Variants in METTL15 observed in about 807,000 individuals in gnomAD.
METTL15 encodes the protein methyltransferase 15, mitochondrial 12S rRNA N4-cytidine.
Under a neutral mutation model 38.3 loss-of-function variants are expected in METTL15, and 34 were observed. The ratio of observed to expected loss-of-function variants is 0.89; its 90% CI spans 0.68 to 1.18. The LOEUF is 1.18. Among genes scored for constraint, METTL15 ranks in the 50% most tolerant of loss-of-function variants. The pLI, the probability that METTL15 is intolerant of heterozygous loss-of-function variation, is 0.00. For missense variants in METTL15, 438 were observed against 498.4 expected (o/e 0.88, Z 1.15); for synonymous variants, 162 against 170.9 (o/e 0.95, Z 0.41).
chr11:28,306,229 C>G (rs1186479343), intron 6 of METTL15, among the ~76,000 whole-genome samples: 3 of 152,068 alleles, frequency 2.0e-5, no homozygotes, highest in Non-Finnish European at 4.4e-5. Context: ...TTATTTTATA[C>G]TTTTAGTACT....
chr11:28,255,962 C>T (rs543521703), intron 4 of METTL15, among the ~76,000 whole-genome samples: 1 of 152,314 alleles, frequency 6.6e-6, no homozygotes, highest in South Asian at 2.1e-4. Context: ...CTCGGACTCC[C>T]AAAGTGCTGG....
intron 6 of METTL15, among the ~76,000 whole-genome samples, chr11:28,462,251 A>G (rs1044251091): frequency 5.3e-5 from 8 of 152,068 alleles, no homozygotes; most frequent in Non-Finnish European, 1.0e-4. Flanking sequence ...GTGTTATGGG[A>G]ATAAGGAAGA....
At chr11:28,251,811 C>G (rs951649152) in intron 4 of METTL15, among the ~76,000 whole-genome samples, 3 of 152,016 alleles carry the variant, frequency 2.0e-5, no homozygotes, top group Non-Finnish European at 4.4e-5. Flanking sequence ...ATTCTTCAGC[C>G]CATGGGGACC....
chr11:28,174,732 A>G (rs1850989002), intron 3 of METTL15, among the ~76,000 whole-genome samples: 1 of 150,596 alleles, frequency 6.6e-6, no homozygotes, highest in Non-Finnish European at 1.5e-5. Context: ...GGAGAATGGT[A>G]TGAAGCCGGG....
At chr11:28,421,943 T>G (rs895326394) in intron 5 of METTL15, among the ~76,000 whole-genome samples, 1 of 151,864 alleles carries the variant, frequency 6.6e-6, no homozygotes, top group African/African-American at 2.4e-5. Flanking sequence ...GAATACCGTA[T>G]AGACCCAACC....
chr11:28,455,015 G>T (rs1477579761), intron 6 of METTL15, among the ~76,000 whole-genome samples: 1 of 151,890 alleles, frequency 6.6e-6, no homozygotes, highest in Admixed American at 6.6e-5. Context: ...CAGAAGAGGT[G>T]GTATTTGTTC....
intron 5 of METTL15, among the ~76,000 whole-genome samples, chr11:28,403,955 A>G (rs536274388): frequency 2.0e-5 from 3 of 152,068 alleles, no homozygotes; most frequent in East Asian, 3.9e-4. Context: ...TTCTGCTGTT[A>G]TACATTCTGA....
At chr11:28,316,928 C>G (rs547381840) in intron 6 of METTL15, among the ~76,000 whole-genome samples, 4 of 152,282 alleles carry the variant, frequency 2.6e-5, no homozygotes, top group African/African-American at 9.6e-5. Context: ...AAACCTTTTG[C>G]TTTTGTAAAT....
the METTL15 span, among the ~76,000 whole-genome samples, chr11:28,532,392 G>T: frequency 1.2e-4 from 19 of 152,190 alleles, no homozygotes; most frequent in East Asian, 3.7e-3. Context: ...CTATTTGTGT[G>T]TGTATGCATG....
intron 6 of METTL15, among the ~76,000 whole-genome samples, chr11:28,507,635 A>G (rs1851639738): frequency 6.6e-6 from 1 of 152,098 alleles, no homozygotes; most frequent in Non-Finnish European, 1.5e-5. Context: ...TTTTCAAAAA[A>G]TCTCCCCTAC....
intron 3 of METTL15, among the ~76,000 whole-genome samples, chr11:28,121,122 C>T (rs1301497078): frequency 1.3e-5 from 2 of 152,056 alleles, no homozygotes; most frequent in Non-Finnish European, 2.9e-5. Context: ...CTTATTCATT[C>T]TACCTAACTA....
intron 5 of METTL15, among the ~76,000 whole-genome samples, chr11:28,403,384 A>G (rs1850646725): frequency 6.6e-6 from 1 of 151,962 alleles, no homozygotes. Flanking sequence ...ATGACCTCAA[A>G]AGCTTTCTGA....
chr11:28,439,603 C>T (rs764442453), intron 6 of METTL15, among the ~76,000 whole-genome samples: 13 of 152,172 alleles, frequency 8.5e-5, no homozygotes, highest in Admixed American at 5.2e-4. Flanking sequence ...GGGCCCAATG[C>T]GGGGTGGAGG....
At chr11:28,223,687 G>T (rs1472327448) in intron 4 of METTL15, among the ~76,000 whole-genome samples, 4 of 152,038 alleles carry the variant, frequency 2.6e-5, no homozygotes, top group African/African-American at 7.2e-5. Flanking sequence ...CATTTTTACA[G>T]AAAACTGAGC....
At chr11:28,300,798 A>T (rs943974614) in intron 6 of METTL15, among the ~76,000 whole-genome samples, 4 of 152,170 alleles carry the variant, frequency 2.6e-5, no homozygotes, top group Non-Finnish European at 5.9e-5. Flanking sequence ...TAACAAGTCC[A>T]CATTTTGTTA....
At chr11:28,151,430 ACTGG>A (rs1307312443) in intron 3 of METTL15, among the ~76,000 whole-genome samples, 2 of 151,918 alleles carry the variant, frequency 1.3e-5, no homozygotes, top group African/African-American at 4.8e-5. Flanking sequence ...TTTGCAAATT[ACTGG>A]CAAAATATAC....
chr11:28,444,779 T>C (rs1851061766), intron 6 of METTL15, among the ~76,000 whole-genome samples: 2 of 152,196 alleles, frequency 1.3e-5, no homozygotes. Context: ...AGTCATCTCC[T>C]GTCCTAGGTT....
intron 3 of METTL15, among the ~76,000 whole-genome samples, chr11:28,175,483 A>G (rs1276527805): frequency 3.3e-5 from 5 of 152,192 alleles, no homozygotes; most frequent in Non-Finnish European, 7.3e-5. Flanking sequence ...TTGCTGGGTC[A>G]AATGGTATTT....
At chr11:28,288,673 G>A (rs1306922244) in intron 4 of METTL15, among the ~76,000 whole-genome samples, 2 of 152,064 alleles carry the variant, frequency 1.3e-5, no homozygotes, top group South Asian at 4.2e-4. Context: ...AGTGGGGAGG[G>A]TGGGAGGAAG....
Sources: gnomAD v4.1 joint callset for allele counts (sites outside exome capture counted in the v4.1 genomes callset) on GRCh38, gnomAD v4.1.1 for gene constraint, MANE v1.5 for transcripts, NCBI Gene and HGNC (gene_info 2026-07-23, HGNC 2026-07-21) for gene names.